FHIT: variants seen among roughly 807,000 people sequenced by gnomAD.
FHIT encodes the protein bis(5'-adenosyl)-triphosphatase.
A neutral mutation model predicts 17.9 loss-of-function variants in FHIT; 19 were observed. That is an observed-to-expected ratio of 1.06 (90% confidence interval 0.74 to 1.56). FHIT has a LOEUF of 1.56. Ranked by LOEUF, FHIT falls within the 40% of genes most tolerant of loss-of-function variation. FHIT has a pLI of 0.00. For missense variants in FHIT, 248 were observed against 189.2 expected (o/e 1.31, Z -1.82); for synonymous variants, 81 against 69.7 (o/e 1.16, Z -0.81).
At chr3:59,766,954 C>T (rs934219235) in intron 8 of FHIT, among the ~76,000 whole-genome samples, 5 of 152,114 alleles carry the variant, frequency 3.3e-5, no homozygotes, top group Non-Finnish European at 7.4e-5. Context: ...GTGAGAGTTC[C>T]TAATTGGTTA....
intron 5 of FHIT, among the ~76,000 whole-genome samples, chr3:60,521,271 G>A (rs558557128): frequency 1.3e-3 from 195 of 151,834 alleles, no homozygotes; most frequent in African/African-American, 3.6e-3. Context: ...TTTTTGAGGC[G>A]GAGGCTTGCT....
At chr3:61,070,382 A>G (rs1185295413) in intron 2 of FHIT, among the ~76,000 whole-genome samples, 1 of 152,200 alleles carries the variant, frequency 6.6e-6, no homozygotes, top group East Asian at 1.9e-4. Flanking sequence ...GAAGAGGTAG[A>G]TGTTCAACGT....
intron 4 of FHIT, among the ~76,000 whole-genome samples, chr3:60,641,373 G>T (rs922882048): frequency 6.6e-6 from 1 of 152,096 alleles, no homozygotes; most frequent in South Asian, 2.1e-4. Flanking sequence ...GCCCAGGAGG[G>T]TGTGAAGATG....
intron 5 of FHIT, among the ~76,000 whole-genome samples, chr3:60,356,300 T>TC (rs1333379925): frequency 6.6e-6 from 1 of 152,144 alleles, no homozygotes; most frequent in Non-Finnish European, 1.5e-5. Flanking sequence ...CAGATTGAGT[T>TC]CAACTGTGGT....
chr3:60,064,433 A>C (rs1386379520), intron 5 of FHIT, among the ~76,000 whole-genome samples: 1 of 152,174 alleles, frequency 6.6e-6, no homozygotes, highest in African/African-American at 2.4e-5. Context: ...TCTATCTTGC[A>C]TTTGAAAATA....
At chr3:60,755,380 G>C (rs979802230) in intron 4 of FHIT, among the ~76,000 whole-genome samples, 3 of 152,166 alleles carry the variant, frequency 2.0e-5, no homozygotes, top group Admixed American at 1.3e-4. Context: ...ATAGCTACCC[G>C]ATCTTCCAAT....
At chr3:60,412,404 G>C (rs572617445) in intron 5 of FHIT, among the ~76,000 whole-genome samples, 1 of 152,026 alleles carries the variant, frequency 6.6e-6, no homozygotes, top group Non-Finnish European at 1.5e-5. Context: ...TAGGTCCCTA[G>C]AGATTCACAA....
chr3:61,127,871 A>C (rs1442832571), intron 2 of FHIT, among the ~76,000 whole-genome samples: 2 of 152,044 alleles, frequency 1.3e-5, no homozygotes, highest in Non-Finnish European at 2.9e-5. Context: ...CTCTGTCTGA[A>C]AAAAAAAGAA....
chr3:60,925,757 C>G (rs779554177), intron 3 of FHIT, among the ~76,000 whole-genome samples: 6 of 152,150 alleles, frequency 3.9e-5, no homozygotes, highest in Non-Finnish European at 8.8e-5. Context: ...TTAAAAGACA[C>G]AGACTGGCAA....
chr3:60,297,772 C>T (rs1032823330), intron 5 of FHIT, among the ~76,000 whole-genome samples: 20 of 152,150 alleles, frequency 1.3e-4, no homozygotes, highest in South Asian at 4.1e-4. Flanking sequence ...CTCCAACAGA[C>T]GCTAACTGGG....
chr3:60,350,039 G>A (rs931349642), intron 5 of FHIT, among the ~76,000 whole-genome samples: 1 of 152,162 alleles, frequency 6.6e-6, no homozygotes. Flanking sequence ...TGGTGTAGGA[G>A]CCACTCACCA....
chr3:60,813,374 A>T (rs1701630617), intron 4 of FHIT, among the ~76,000 whole-genome samples: 1 of 152,028 alleles, frequency 6.6e-6, no homozygotes, highest in Non-Finnish European at 1.5e-5. Context: ...AAGACAAATG[A>T]TATTTAAAAT....
chr3:60,496,287 T>C (rs2034296968), intron 5 of FHIT, among the ~76,000 whole-genome samples: 2 of 152,002 alleles, frequency 1.3e-5, no homozygotes, highest in African/African-American at 4.8e-5. Flanking sequence ...CTAGAATATA[T>C]AAAAATACTA....
chr3:59,986,767 T>A (rs376202985), intron 7 of FHIT, among the ~76,000 whole-genome samples: 110 of 9,598 alleles, frequency 0.011, 43 homozygotes, highest in South Asian at 0.05. Flanking sequence ...TAAATATATT[T>A]ATATAAATAT....
chr3:60,287,045 T>C (rs758051132), intron 5 of FHIT, among the ~76,000 whole-genome samples: 1 of 152,200 alleles, frequency 6.6e-6, no homozygotes, highest in Non-Finnish European at 1.5e-5. Context: ...CTTTTCCTCC[T>C]GATGCCGAAA....
intron 5 of FHIT, among the ~76,000 whole-genome samples, chr3:60,482,661 G>A (rs77322912): frequency 0.081 from 12,282 of 151,986 alleles, 710 homozygotes; most frequent in African/African-American, 0.16. Context: ...CAGAATCTCC[G>A]GGACACAGAG....
At chr3:59,921,830 A>C (rs2107189695) in intron 8 of FHIT, among the ~76,000 whole-genome samples, 1 of 152,336 alleles carries the variant, frequency 6.6e-6, no homozygotes, top group South Asian at 2.1e-4. Context: ...GAAATAAATT[A>C]ACTGCTTTAA....
At chr3:60,922,738 T>G (rs1707347237) in intron 3 of FHIT, among the ~76,000 whole-genome samples, 1 of 152,192 alleles carries the variant, frequency 6.6e-6, no homozygotes, top group Non-Finnish European at 1.5e-5. Context: ...ACACTAACAT[T>G]TCTCCATCTT....
intron 8 of FHIT, among the ~76,000 whole-genome samples, chr3:59,901,222 G>C (rs866372171): frequency 6.6e-6 from 1 of 152,176 alleles, no homozygotes; most frequent in Non-Finnish European, 1.5e-5. Context: ...AAGAATATGA[G>C]AGTGGAAAAG....
Sources: allele counts gnomAD v4.1 joint callset (sites outside exome capture counted in the v4.1 genomes callset), GRCh38; gene constraint gnomAD v4.1.1; transcripts MANE v1.5; gene names NCBI Gene and HGNC (gene_info 2026-07-23, HGNC 2026-07-21).